Variants in GAB2 observed in about 807,000 individuals in gnomAD.
GAB2 encodes the protein GRB2 associated binding protein 2, also known as GRB2-associated-binding protein 2.
Under a neutral mutation model 65.5 loss-of-function variants are expected in GAB2, and 26 were observed. That is an observed-to-expected ratio of 0.40 (90% CI 0.29 to 0.55). GAB2 has a LOEUF of 0.55. Ranked by LOEUF, GAB2 falls within the 20% of genes least tolerant of loss-of-function variation. The pLI is 0.53. For synonymous variants in GAB2, 321 were observed against 329.6 expected (o/e 0.97, Z 0.28); for missense variants, 884 against 875.8 (o/e 1.01, Z -0.12).
intron 1 of GAB2, among the ~76,000 whole-genome samples, chr11:78,411,165 G>T (rs1407776388): frequency 1.3e-5 from 2 of 150,648 alleles, no homozygotes; most frequent in Non-Finnish European, 3.0e-5. Flanking sequence ...TGGTTGGGGG[G>T]GGGGATGGTG....
intron 3 of GAB2, 48 bp from the exon 4 acceptor site, chr11:78,227,099 C>A (rs777372974): frequency 1.6e-6 from 2 of 1,277,050 alleles, no homozygotes; most frequent in Non-Finnish European, 2.2e-6. Context: ...CAATTACTAG[C>A]TGTGTGACCT....
chr11:78,285,210 T>C (rs1453362885), intron 1 of GAB2, among the ~76,000 whole-genome samples: 2 of 152,180 alleles, frequency 1.3e-5, no homozygotes, highest in African/African-American at 2.4e-5. Flanking sequence ...CCCGTTAGTC[T>C]TGTCTCTGTG....
chr11:78,368,744 G>A (rs1306443553), intron 1 of GAB2, among the ~76,000 whole-genome samples: 2 of 151,694 alleles, frequency 1.3e-5, no homozygotes, highest in African/African-American at 4.8e-5. Context: ...AACTCTATAG[G>A]TTTAAATCTT....
intron 1 of GAB2, among the ~76,000 whole-genome samples, chr11:78,283,682 G>C (rs925845248): frequency 1.3e-5 from 2 of 149,248 alleles, no homozygotes; most frequent in East Asian, 3.9e-4. Flanking sequence ...GCCTTAACTT[G>C]ATCTCTCTTG....
At chr11:78,395,016 G>A (rs1348824842) in intron 1 of GAB2, among the ~76,000 whole-genome samples, 2 of 152,104 alleles carry the variant, frequency 1.3e-5, no homozygotes, top group East Asian at 1.9e-4. Context: ...CTTGTCCCTC[G>A]CCCTCTTGCT....
chr11:78,293,845 G>A (rs1013578101), intron 1 of GAB2, among the ~76,000 whole-genome samples: 1 of 152,218 alleles, frequency 6.6e-6, no homozygotes, highest in Non-Finnish European at 1.5e-5. Context: ...AAGAGTACGT[G>A]TGAGAGTGAG....
intron 3 of GAB2, among the ~76,000 whole-genome samples, chr11:78,239,083 A>T (rs111898295): frequency 0.058 from 8,751 of 151,634 alleles, 858 homozygotes; most frequent in African/African-American, 0.2. Flanking sequence ...ACCACATTGC[A>T]CCCATTTCTA....
In GAB2 at chr11:78,220,343, C is replaced by T. The variant is rs376617516; in HGVS notation, c.1863G>A (p.Pro621=). ...CCTTGCGGTGGGGGCTTGGGGAGCT[C>T]GGCTGGAAGTCCAGGGCCAGATAAT... ...SVDYLALDFQ[P]SSPSPHRKPS... The change falls in exon 9 of 10, where the codon CCG becomes CCA. Residue 621 remains proline, a synonymous_variant. Transcript: ENST00000361507. The T allele has an allele frequency of 6.8e-6, 11 of 1,612,594 alleles. No homozygotes were observed. Among genetic ancestry groups the T allele is most frequent in the East Asian group, 2.2e-5 (1 of 44,868 alleles).
chr11:78,318,934 G>A (rs975592327), intron 1 of GAB2, among the ~76,000 whole-genome samples: 14 of 152,248 alleles, frequency 9.2e-5, no homozygotes, highest in Middle Eastern at 6.8e-3. Context: ...AATCAAGAAT[G>A]GAGAATCGTT....
At chr11:78,320,163 G>A (rs1307230177) in intron 1 of GAB2, among the ~76,000 whole-genome samples, 2 of 152,176 alleles carry the variant, frequency 1.3e-5, no homozygotes, top group East Asian at 1.9e-4. Flanking sequence ...GAGCCACTGC[G>A]CCCAGGTGAG....
At chr11:78,317,822 T>A (rs955447732) in intron 1 of GAB2, among the ~76,000 whole-genome samples, 4 of 152,176 alleles carry the variant, frequency 2.6e-5, no homozygotes, top group Non-Finnish European at 2.9e-5. Flanking sequence ...TGAATTCTTT[T>A]CTTTTCTGGG....
chr11:78,232,280 C>T (rs1864869125), intron 3 of GAB2, among the ~76,000 whole-genome samples: 1 of 152,282 alleles, frequency 6.6e-6, no homozygotes. Context: ...GGAATCTCAC[C>T]AATGAAATTT....
chr11:78,233,040 G>GTTTTTTTTTTTTTTTTTTTT (rs372693456), intron 3 of GAB2, among the ~76,000 whole-genome samples: 5 of 132,006 alleles, frequency 3.8e-5, no homozygotes, highest in African/African-American at 1.2e-4. Flanking sequence ...GCACTGTTAA[G>GTTTTTTTTTTTTTTTTTTTT]TTTTTTTTTT....
rs753177638 is a variant in GAB2 at position 78,216,261 on chromosome 11, G to C, written c.*3011C>G. The C allele has an allele frequency of 2.0e-5, 3 of 152,298 alleles. No individual in the cohort carries two copies. Among genetic ancestry groups the C allele is most frequent in the Non-Finnish European group, 4.4e-5 (3 of 68,110 alleles). 9.4% of individuals were successfully genotyped at this position (152,298 alleles called of 1,614,324 possible). A position where few individuals can be genotyped will look rare whatever the true frequency, so the allele number is the denominator to read the frequency against. ...GTGGAGCTGGAAGTGGGTGAAGAAG[G>C]CTCCTTGGAGAGCCCCAGGCAGGGG... On this transcript the variant is annotated 3_prime_UTR_variant, in exon 10 of 10. Transcript: ENST00000361507.
chr11:78,221,763 TG>T lies in GAB2; in HGVS notation c.1674del (p.Ser559AlafsTer175). ...SWSRANHTFN[S>X]SSSQYCRPIS... ...ATGGGGCGGCAGTACTGGGAGGAGC[TG>T]GAGTTGAAGGTGTGGCTGTTGTGGG... On this transcript the variant is annotated frameshift_variant, in exon 8 of 10. Transcript: ENST00000361507. LOFTEE classifies it high-confidence loss of function. 6.2e-7 allele frequency: 1 copy of T among 1,612,918 alleles called. No homozygotes were observed. Among genetic ancestry groups the T allele is most frequent in the Non-Finnish European group, 8.5e-7 (1 of 1,179,120 alleles).
At chr11:78,303,573 A>C (rs919834436) in intron 1 of GAB2, among the ~76,000 whole-genome samples, 1 of 152,182 alleles carries the variant, frequency 6.6e-6, no homozygotes, top group African/African-American at 2.4e-5. Flanking sequence ...CAGTTTTATA[A>C]TAAGTCTTGA....
rs551244726 is a variant in GAB2 at position 78,216,040 on chromosome 11, G to A, written c.*3232C>T. Reference sequence around the variant, plus strand: ...TCAAGCTAGGAGGGGACTGGGGATAGGTACTGCCCACCCCAATCCCCCAGA... The same window carrying A: ...TCAAGCTAGGAGGGGACTGGGGATAAGTACTGCCCACCCCAATCCCCCAGA... On this transcript the variant is annotated 3_prime_UTR_variant, in exon 10 of 10. Coordinates refer to ENST00000361507, the MANE Select transcript of GAB2 (RefSeq NM_080491.3). 1 of 152,654 alleles carries A rather than the reference G, an allele frequency of 6.6e-6. No homozygotes were observed. Among genetic ancestry groups the A allele is most frequent in the Non-Finnish European group, 1.5e-5 (1 of 68,046 alleles). The allele number at this position is 152,654 out of a possible 1,614,324, so 9.5% of individuals were successfully genotyped here.
chr11:78,389,599 G>A (rs753547309), intron 1 of GAB2, among the ~76,000 whole-genome samples: 13 of 152,122 alleles, frequency 8.5e-5, no homozygotes, highest in Non-Finnish European at 1.9e-4. Flanking sequence ...GAGCCACCGC[G>A]CCCGGCCGTG....
intron 1 of GAB2, among the ~76,000 whole-genome samples, chr11:78,291,359 G>C (rs1028693992): frequency 1.3e-5 from 2 of 150,260 alleles, no homozygotes; most frequent in Non-Finnish European, 3.0e-5. Context: ...CCAGCTACTC[G>C]GGAGGCTGAG....
Sources: allele counts gnomAD v4.1 joint callset (sites outside exome capture counted in the v4.1 genomes callset), GRCh38; gene constraint gnomAD v4.1.1; transcripts MANE v1.5; gene names NCBI Gene and HGNC (gene_info 2026-07-23, HGNC 2026-07-21).